The following ZNF334 variants were observed in gnomAD, a reference collection of about 807,000 sequenced individuals.
The protein encoded by ZNF334 is zinc finger protein 334.
In ZNF334, 14 loss-of-function variants were observed where a neutral mutation model predicts 12.4. The ratio of observed to expected loss-of-function variants is 1.13; its 90% confidence interval spans 0.74 to 1.76. ZNF334 has a LOEUF of 1.76. Ranked by LOEUF, ZNF334 falls within the 40% of genes most tolerant of loss-of-function variation. The pLI, the probability that ZNF334 is intolerant of heterozygous loss-of-function variation, is 0.00. For synonymous variants in ZNF334, 273 were observed against 269.6 expected, an observed-to-expected ratio of 1.01 and a Z score of -0.12; for missense variants, 797 against 804.5, an observed-to-expected ratio of 0.99 and a Z score of 0.11.
the ZNF334 span, among the ~76,000 whole-genome samples, chr20:46,469,463 G>C: frequency 6.6e-6 from 1 of 151,296 alleles, no homozygotes; most frequent in Admixed American, 6.6e-5. Context: ...CCGCCTCCCA[G>C]GTTCACGCCA....
At chr20:46,498,868 T>C (rs1568843969), downstream of ZNF334, among the ~76,000 whole-genome samples, 1 of 152,126 alleles carries the variant, frequency 6.6e-6, no homozygotes, top group African/African-American at 2.4e-5. Flanking sequence ...GACACAAACA[T>C]GCACACTTAG....
chr20:46,465,824 G>A, the ZNF334 span, among the ~76,000 whole-genome samples: 1 of 152,060 alleles, frequency 6.6e-6, no homozygotes, highest in Non-Finnish European at 1.5e-5. Context: ...GCGTGGTGGC[G>A]AGCGCCTGTA....
intron 2 of ZNF334, chr20:46,505,615 C>G (rs2061402744): frequency 6.5e-6 from 1 of 153,724 alleles, no homozygotes; most frequent in African/African-American, 2.4e-5. Context: ...TGAAACAATG[C>G]TCTAGAGCAT....
chr20:46,497,955 A>G (rs1476587642), downstream of ZNF334, among the ~76,000 whole-genome samples: 1 of 37,146 alleles, frequency 2.7e-5, no homozygotes, highest in Admixed American at 2.6e-4. Flanking sequence ...CATTATTCCA[A>G]GATTTCCCCG....
intron 2 of ZNF334, among the ~76,000 whole-genome samples, chr20:46,507,805 C>T (rs2780231): frequency 0.49 from 74,265 of 152,066 alleles, 18,260 homozygotes; most frequent in South Asian, 0.55. Context: ...TCTCTTAAAC[C>T]AGAAGTAGTT....
chr20:46,507,898 T>A (rs1255879746), intron 2 of ZNF334, among the ~76,000 whole-genome samples: 3 of 152,104 alleles, frequency 2.0e-5, no homozygotes, highest in African/African-American at 7.3e-5. Flanking sequence ...ATCTCATAAT[T>A]ATAGGCACAA....
chr20:46,467,824 C>T, the ZNF334 span, among the ~76,000 whole-genome samples: 9 of 152,254 alleles, frequency 5.9e-5, no homozygotes, highest in East Asian at 9.6e-4. Context: ...CAAATGTTAG[C>T]GATCCACGTT....
the ZNF334 span, among the ~76,000 whole-genome samples, chr20:46,493,120 C>A: frequency 6.6e-6 from 1 of 151,112 alleles, no homozygotes; most frequent in African/African-American, 2.4e-5. Flanking sequence ...TAAATGTATT[C>A]AACTAAATTT....
At chr20:46,493,344 TGAATTA>T in the ZNF334 span, among the ~76,000 whole-genome samples, 1 of 152,096 alleles carries the variant, frequency 6.6e-6, no homozygotes. Flanking sequence ...CTCTTCTGGG[TGAATTA>T]GAAGTTTTGG....
chr20:46,495,835 T>C (rs1327703822), downstream of ZNF334, among the ~76,000 whole-genome samples: 1 of 152,168 alleles, frequency 6.6e-6, no homozygotes, highest in Non-Finnish European at 1.5e-5. Context: ...CATAGGCCAC[T>C]GTAGTGCTTG....
chr20:46,473,054 CAGTT>C, the ZNF334 span, among the ~76,000 whole-genome samples: 2 of 152,180 alleles, frequency 1.3e-5, no homozygotes, highest in Admixed American at 6.5e-5. Context: ...CTTTCTGCAT[CAGTT>C]AGTCAATTTT....
chr20:46,510,148 G>A (rs1400113541), intron 2 of ZNF334, among the ~76,000 whole-genome samples: 3 of 152,174 alleles, frequency 2.0e-5, no homozygotes, highest in African/African-American at 7.2e-5. Flanking sequence ...TGCTGAACTT[G>A]TATTCTGCAA....
intron 2 of ZNF334, among the ~76,000 whole-genome samples, chr20:46,507,223 GAAAACAAAGGA>G (rs2061464686): frequency 6.6e-6 from 1 of 151,416 alleles, no homozygotes; most frequent in Non-Finnish European, 1.5e-5. Context: ...ACAAGGAAAA[GAAAACAAAGGA>G]AAAACAAGGG....
the ZNF334 span, among the ~76,000 whole-genome samples, chr20:46,468,657 T>A: frequency 6.6e-6 from 1 of 152,158 alleles, no homozygotes; most frequent in African/African-American, 2.4e-5. Context: ...GGTGGTAATC[T>A]CCAGGTTGTC....
chr20:46,509,721 C>T (rs1601068785), intron 2 of ZNF334: 1 of 701,452 alleles, frequency 1.4e-6, no homozygotes. Flanking sequence ...AAGCTGGTAC[C>T]ACACCTCATG....
At chr20:46,511,992 AATTTTATAC>A in intron 2 of ZNF334, 81 bp downstream of exon 2, 1 of 1,312,322 alleles carries the variant, frequency 7.6e-7, no homozygotes, top group Non-Finnish European at 1.1e-6. Flanking sequence ...TCTGATGCTG[AATTTTATAC>A]ATTTCGTTTC....
the ZNF334 span, among the ~76,000 whole-genome samples, chr20:46,484,034 C>G: frequency 2.6e-5 from 4 of 152,076 alleles, no homozygotes; most frequent in African/African-American, 9.7e-5. Context: ...GTCCAAAACC[C>G]AGTAGGTTCA....
chr20:46,479,701 C>A, the ZNF334 span, among the ~76,000 whole-genome samples: 2 of 152,194 alleles, frequency 1.3e-5, no homozygotes, highest in Non-Finnish European at 2.9e-5. Context: ...TCCATTAATG[C>A]AGCCCAGTCT....
chr20:46,509,583 G>C (rs2061567973), intron 2 of ZNF334: 2 of 702,842 alleles, frequency 2.8e-6, no homozygotes, highest in Admixed American at 2.0e-5. Flanking sequence ...ATAGAGAAAG[G>C]ATGGGGAATT....
Sources: allele counts gnomAD v4.1 joint callset (sites outside exome capture counted in the v4.1 genomes callset), GRCh38; gene constraint gnomAD v4.1.1; transcripts MANE v1.5; gene names NCBI Gene and HGNC (gene_info 2026-07-23, HGNC 2026-07-21).